The following CTNNA3 variants were observed in gnomAD, a reference collection of about 807,000 sequenced individuals.
The protein encoded by CTNNA3 is catenin alpha-3.
In CTNNA3, 76 loss-of-function variants were observed where a neutral mutation model predicts 95.7. That is an observed-to-expected ratio of 0.79 (90% confidence interval 0.66 to 0.96). The LOEUF is 0.96. Ranked by LOEUF, CTNNA3 falls within the 40% of genes least tolerant of loss-of-function variation. CTNNA3 has a pLI of 0.00. For missense variants in CTNNA3, 1,191 were observed against 1,089.8 expected (o/e 1.09, Z -1.31); for synonymous variants, 431 against 374.4 (o/e 1.15, Z -1.74).
chr10:66,123,962 C>T (rs2082705663), intron 13 of CTNNA3, among the ~76,000 whole-genome samples: 4 of 151,994 alleles, frequency 2.6e-5, no homozygotes, highest in Non-Finnish European at 4.4e-5. Context: ...CCATGAAGAC[C>T]TCTGACATAC....
intron 2 of CTNNA3, among the ~76,000 whole-genome samples, chr10:67,608,004 G>C (rs776097184): frequency 2.0e-5 from 3 of 152,194 alleles, no homozygotes; most frequent in Non-Finnish European, 4.4e-5. Flanking sequence ...TAAATGTTTT[G>C]AGGAAAAATA....
chr10:66,802,260 C>A (rs1165681935), intron 7 of CTNNA3, among the ~76,000 whole-genome samples: 1 of 151,664 alleles, frequency 6.6e-6, no homozygotes, highest in East Asian at 1.9e-4. Context: ...ATAAGCATGA[C>A]ACAAATTGAG....
chr10:66,890,998 A>C (rs987165058), intron 7 of CTNNA3, among the ~76,000 whole-genome samples: 6 of 152,080 alleles, frequency 3.9e-5, no homozygotes, highest in African/African-American at 1.4e-4. Context: ...TCTCCAACCT[A>C]AGGTATAGTT....
chr10:66,680,856 G>A (rs1256568244), intron 9 of CTNNA3, among the ~76,000 whole-genome samples: 2 of 152,096 alleles, frequency 1.3e-5, no homozygotes, highest in African/African-American at 4.8e-5. Context: ...ATTTAGCATG[G>A]CAACAATGAT....
At chr10:67,063,749 C>T (rs1855899977) in intron 7 of CTNNA3, among the ~76,000 whole-genome samples, 2 of 152,212 alleles carry the variant, frequency 1.3e-5, no homozygotes, top group Admixed American at 1.3e-4. Flanking sequence ...TAAACTCTTA[C>T]ATACTCTCTT....
intron 7 of CTNNA3, among the ~76,000 whole-genome samples, chr10:66,973,982 A>G (rs1003669448): frequency 6.6e-6 from 1 of 152,200 alleles, no homozygotes; most frequent in African/African-American, 2.4e-5. Flanking sequence ...TGCATAAAGT[A>G]TACGGTTTAA....
At chr10:66,819,167 G>C (rs919247502) in intron 7 of CTNNA3, among the ~76,000 whole-genome samples, 1 of 151,218 alleles carries the variant, frequency 6.6e-6, no homozygotes, top group African/African-American at 2.4e-5. Context: ...GAATAGACTG[G>C]AGAGTCCAAA....
chr10:66,947,042 C>T (rs984051137), intron 7 of CTNNA3, among the ~76,000 whole-genome samples: 1 of 152,030 alleles, frequency 6.6e-6, no homozygotes, highest in African/African-American at 2.4e-5. Context: ...TGTTTTCAGC[C>T]CCAAATCCCT....
chr10:67,149,728 C>A (rs1158587306), intron 7 of CTNNA3, among the ~76,000 whole-genome samples: 2 of 152,148 alleles, frequency 1.3e-5, no homozygotes, highest in Non-Finnish European at 2.9e-5. Context: ...TCTCTGAGAA[C>A]ACCAAATAAA....
chr10:66,440,998 T>C (rs952228092), intron 11 of CTNNA3, among the ~76,000 whole-genome samples: 26 of 152,274 alleles, frequency 1.7e-4, no homozygotes, highest in African/African-American at 6.3e-4. Context: ...TCCTACTATG[T>C]ACTTCTCTGG....
intron 12 of CTNNA3, among the ~76,000 whole-genome samples, chr10:66,359,209 T>G (rs2092635005): frequency 6.6e-6 from 1 of 152,050 alleles, no homozygotes; most frequent in Non-Finnish European, 1.5e-5. Flanking sequence ...GGAGACAGTT[T>G]TACAGGCTCC....
chr10:66,614,258 A>T (rs1362004651), intron 10 of CTNNA3, among the ~76,000 whole-genome samples: 1 of 152,050 alleles, frequency 6.6e-6, no homozygotes, highest in Non-Finnish European at 1.5e-5. Context: ...ACTCCCAGAA[A>T]ACAAAGAAGG....
chr10:66,798,358 T>A (rs911924268), intron 7 of CTNNA3, among the ~76,000 whole-genome samples: 7 of 151,366 alleles, frequency 4.6e-5, no homozygotes, highest in African/African-American at 1.7e-4. Flanking sequence ...ATTAATAGGA[T>A]AAGGATAGCT....
intron 13 of CTNNA3, among the ~76,000 whole-genome samples, chr10:66,190,463 A>G (rs555315416): frequency 6.6e-6 from 1 of 152,258 alleles, no homozygotes; most frequent in South Asian, 2.1e-4. Flanking sequence ...CATTGACATC[A>G]GTCTGGAAGC....
chr10:67,275,146 T>C (rs2132427972), intron 5 of CTNNA3, among the ~76,000 whole-genome samples: 1 of 152,286 alleles, frequency 6.6e-6, no homozygotes, highest in East Asian at 1.9e-4. Context: ...TGGGCACTCT[T>C]CTGAGTATTT....
intron 9 of CTNNA3, among the ~76,000 whole-genome samples, chr10:66,762,561 C>G (rs1564665591): frequency 6.6e-6 from 1 of 151,098 alleles, no homozygotes; most frequent in South Asian, 2.1e-4. Context: ...CATCTGAGGT[C>G]TCCTCCTGTA....
At chr10:66,212,934 C>A (rs563584427) in intron 13 of CTNNA3, among the ~76,000 whole-genome samples, 7 of 152,206 alleles carry the variant, frequency 4.6e-5, no homozygotes, top group African/African-American at 1.7e-4. Context: ...ACCTGGGAGG[C>A]AGAGGTTGGA....
chr10:66,133,092 A>T (rs574297385), intron 13 of CTNNA3, among the ~76,000 whole-genome samples: 4 of 152,280 alleles, frequency 2.6e-5, no homozygotes, highest in African/African-American at 9.6e-5. Context: ...ATGTACTTGA[A>T]AAAAAATAGA....
intron 13 of CTNNA3, among the ~76,000 whole-genome samples, chr10:66,142,675 TAAAC>T (rs1032197846): frequency 5.3e-5 from 8 of 152,084 alleles, no homozygotes; most frequent in Non-Finnish European, 1.0e-4. Flanking sequence ...TGACAGCAAT[TAAAC>T]AACCATAAAT....
Sources: gnomAD v4.1 joint callset for allele counts (sites outside exome capture counted in the v4.1 genomes callset) on GRCh38, gnomAD v4.1.1 for gene constraint, MANE v1.5 for transcripts, NCBI Gene and HGNC (gene_info 2026-07-23, HGNC 2026-07-21) for gene names.